UNC93A: variants seen among roughly 807,000 people sequenced by gnomAD.
UNC93A encodes the protein N-acetylglucosamine transporter UNC93A.
Under a neutral mutation model 47.5 loss-of-function variants are expected in UNC93A, and 43 were observed. That is an observed-to-expected ratio of 0.91 (90% CI 0.71 to 1.17). The LOEUF (loss-of-function observed/expected upper bound fraction) is 1.17. Among genes scored for constraint, UNC93A ranks in the 50% most tolerant of loss-of-function variants. The pLI, the probability that UNC93A is intolerant of heterozygous loss-of-function variation, is 0.00. For synonymous variants in UNC93A, 280 were observed against 258.0 expected, an observed-to-expected ratio of 1.09 and a Z score of -0.82; for missense variants, 605 against 577.6, an observed-to-expected ratio of 1.05 and a Z score of -0.49.
At chr6:167,280,242 C>A (rs965210614) in intron 1 of UNC93A, among the ~76,000 whole-genome samples, 10 of 152,182 alleles carry the variant, frequency 6.6e-5, no homozygotes, top group African/African-American at 2.4e-4. Flanking sequence ...CTACCCCCTG[C>A]AGGCTCCCCG....
intron 5 of UNC93A, 29 bp downstream of exon 5, chr6:167,304,162 C>T (rs1216523937): frequency 1.2e-6 from 2 of 1,612,356 alleles, no homozygotes; most frequent in Admixed American, 1.7e-5. Flanking sequence ...GCCGGTGGCT[C>T]AGGCCATGCG....
chr6:167,282,575 A>G (rs1783651931), intron 1 of UNC93A, among the ~76,000 whole-genome samples: 1 of 152,166 alleles, frequency 6.6e-6, no homozygotes, highest in South Asian at 2.1e-4. Context: ...TTTGTAGCAA[A>G]TGTTCAAGAA....
At chr6:167,295,740 C>T (rs917800033) in intron 2 of UNC93A, among the ~76,000 whole-genome samples, 6 of 147,466 alleles carry the variant, frequency 4.1e-5, no homozygotes, top group Non-Finnish European at 8.9e-5. Context: ...TCGTGCTCCT[C>T]GCCTCCCTCG....
In UNC93A at chr6:167,296,180, ATCT is replaced by A; in HGVS notation, c.424_426del (p.Phe142del). On this transcript the variant is annotated inframe_deletion, in exon 3 of 8. Coordinates refer to ENST00000230256, the MANE Select transcript of UNC93A (RefSeq NM_018974.4). ...AGACATGGTGAACCAGTATTTTGGCATCTTCTTCCTCATATTCCAGTCATCCGG... is the reference window on the plus strand; with the variant it reads ...AGACATGGTGAACCAGTATTTTGGCATCTTCCTCATATTCCAGTCATCCGG... 2 of 1,614,212 alleles carry A rather than the reference ATCT, an allele frequency of 1.2e-6. No individual in the cohort carries two copies. Among genetic ancestry groups the A allele is most frequent in the Non-Finnish European group, 1.7e-6 (2 of 1,180,054 alleles).
At chr6:167,270,862 G>A (rs370810999), upstream of UNC93A, among the ~76,000 whole-genome samples, 31 of 152,348 alleles carry the variant, frequency 2.0e-4, no homozygotes, top group East Asian at 4.3e-3. Context: ...GGCTGACACC[G>A]TGGGTGCAGA....
At chr6:167,312,608 C>G (rs1200743043) in intron 7 of UNC93A, among the ~76,000 whole-genome samples, 3 of 152,234 alleles carry the variant, frequency 2.0e-5, no homozygotes, top group Non-Finnish European at 4.4e-5. Flanking sequence ...GCCCCCACTG[C>G]GTAGCTGTCG....
At chr6:167,288,485 C>G (rs976002482), upstream of UNC93A, among the ~76,000 whole-genome samples, 4 of 138,348 alleles carry the variant, frequency 2.9e-5, no homozygotes, top group Admixed American at 2.9e-4. Context: ...CACACACACA[C>G]ACAGCATGAG....
chr6:167,287,917 T>C (rs1204062427), upstream of UNC93A, among the ~76,000 whole-genome samples: 4 of 152,154 alleles, frequency 2.6e-5, no homozygotes, highest in Non-Finnish European at 1.5e-5. Flanking sequence ...GCTGCTCTCC[T>C]TCATTCTGGT....
intron 7 of UNC93A, among the ~76,000 whole-genome samples, chr6:167,310,650 CCAGACAGAT>C (rs1424294629): frequency 2.0e-5 from 3 of 152,160 alleles, no homozygotes; most frequent in Non-Finnish European, 4.4e-5. Context: ...GGAGGATGAA[CCAGACAGAT>C]CACTTAAGCT....
chr6:167,305,633 A>T (rs112667619), intron 5 of UNC93A, among the ~76,000 whole-genome samples: 1 of 152,136 alleles, frequency 6.6e-6, no homozygotes, highest in Admixed American at 6.5e-5. Flanking sequence ...TGGCTTCCAT[A>T]TAAAATAGTG....
Position 167,315,410 on chromosome 6 carries a change from G to C in UNC93A, c.1332G>C (p.Gln444His). Reference protein sequence around the residue: ...KNPIRPHAPGQVNQAEDEEIQ... With the variant: ...KNPIRPHAPGHVNQAEDEEIQ... ...CGATCAGACCCCACGCTCCAGGACA[G>C]GTCAACCAGGCAGAGGATGAAGAAA... Residue 444 changes from glutamine (Q) to histidine (H), a missense_variant, in exon 8 of 8, where the codon CAG becomes CAC. Coordinates refer to ENST00000230256, the MANE Select transcript of UNC93A (RefSeq NM_018974.4). The C allele has an allele frequency of 6.2e-7, 1 of 1,613,972 alleles. No homozygotes were observed. The highest frequency in any genetic ancestry group is 8.5e-7 in the Non-Finnish European group (1 of 1,179,876).
chr6:167,301,894 C>T (rs1305396438), intron 4 of UNC93A, among the ~76,000 whole-genome samples: 1 of 152,172 alleles, frequency 6.6e-6, no homozygotes, highest in Non-Finnish European at 1.5e-5. Flanking sequence ...GCCTCCTGTG[C>T]AGGCGTGACA....
At chr6:167,289,025 T>C (rs1397118658), upstream of UNC93A, among the ~76,000 whole-genome samples, 1 of 152,304 alleles carries the variant, frequency 6.6e-6, no homozygotes, top group African/African-American at 2.4e-5. Flanking sequence ...TATTGACACC[T>C]TTTAAATCCT....
At chr6:167,290,823 T>C (rs965899795), upstream of UNC93A, among the ~76,000 whole-genome samples, 1 of 152,224 alleles carries the variant, frequency 6.6e-6, no homozygotes, top group Non-Finnish European at 1.5e-5. Context: ...CATAGCACTA[T>C]TGTTGGTAAC....
chr6:167,288,800 C>T (rs911700577), upstream of UNC93A, among the ~76,000 whole-genome samples: 20 of 152,134 alleles, frequency 1.3e-4, no homozygotes, highest in Admixed American at 3.3e-4. Flanking sequence ...GAACGCATGG[C>T]GCCTGTGGTG....
upstream of UNC93A, among the ~76,000 whole-genome samples, chr6:167,287,742 CGT>C (rs10604076): frequency 0.03 from 4,519 of 149,794 alleles, 216 homozygotes; most frequent in African/African-American, 0.098. Context: ...TGTGTGCATG[CGT>C]GTGTGTGTGT....
At chr6:167,276,059 C>CTTTTTTTTTTTT (rs112367150) in intron 1 of UNC93A, among the ~76,000 whole-genome samples, 1 of 132,346 alleles carries the variant, frequency 7.6e-6, no homozygotes, top group Non-Finnish European at 1.6e-5. Context: ...TTTTTCTTTT[C>CTTTTTTTTTTTT]TTTTCTTTTT....
At chr6:167,296,369 G>A (rs1778089269) in intron 3 of UNC93A, 108 bp downstream of exon 3, 1 of 1,201,200 alleles carries the variant, frequency 8.3e-7, no homozygotes, top group Non-Finnish European at 1.2e-6. Context: ...TCTGTAACTT[G>A]AGCAGGTGAG....
intron 7 of UNC93A, among the ~76,000 whole-genome samples, chr6:167,309,538 A>G (rs898394290): frequency 6.6e-6 from 1 of 152,184 alleles, no homozygotes; most frequent in Admixed American, 6.5e-5. Context: ...TCTTCCCTTC[A>G]GGAGAGACTT....
Sources: allele counts gnomAD v4.1 joint callset (sites outside exome capture counted in the v4.1 genomes callset), GRCh38; gene constraint gnomAD v4.1.1; transcripts MANE v1.5; gene names NCBI Gene and HGNC (gene_info 2026-07-23, HGNC 2026-07-21).